The following OR1D2 variants were observed in gnomAD, a reference collection of about 807,000 sequenced individuals.
The protein encoded by OR1D2 is olfactory receptor family 1 subfamily D member 2.
For synonymous variants in OR1D2, 157 were observed against 153.9 expected (o/e 1.02, Z -0.15); for missense variants, 357 against 376.1 (o/e 0.95, Z 0.42).
chr17:3,096,729 T>C (rs1417758403), intron 1 of OR1D2, among the ~76,000 whole-genome samples: 2 of 152,212 alleles, frequency 1.3e-5, no homozygotes, highest in Non-Finnish European at 2.9e-5. Flanking sequence ...AGGGAACTGA[T>C]AGAAATGAAG....
At chr17:3,100,514 A>G (rs1216623013) in intron 1 of OR1D2, among the ~76,000 whole-genome samples, 2 of 152,202 alleles carry the variant, frequency 1.3e-5, no homozygotes, top group African/African-American at 4.8e-5. Context: ...TCTCTGGGAC[A>G]CAGCTAAAGC....
In OR1D2 at chr17:3,092,848, C is replaced by T; in HGVS notation, c.149G>A (p.Ser50Asn). The change falls in exon 2 of 2, where the codon AGC becomes AAC. Residue 50 changes from serine (S) to asparagine (N), a missense_variant. Coordinates refer to ENST00000641833, the MANE Select transcript of OR1D2 (RefSeq NM_002548.3). ...GGGGGTGTGCAGGCGGGAATCAGAGCTGATGGCCAGGATGATGAGCACATT... is the reference window on the plus strand; with the variant it reads ...GGGGGTGTGCAGGCGGGAATCAGAGTTGATGGCCAGGATGATGAGCACATT... The part of the protein sequence containing the change: ...VGNVLIILAI[S>N]SDSRLHTPVY... 3 of 1,614,090 alleles carry T rather than the reference C, an allele frequency of 1.9e-6. No individual in the cohort carries two copies. Among genetic ancestry groups the T allele is most frequent in the East Asian group, 2.2e-5 (1 of 44,884 alleles).
rs373809988 is a variant in OR1D2, at chr17:3,090,856, G to T, written c.*1202C>A. ...TTCTTGTTCTTAGCTACTCAGAGGG[G>T]TCTGGCCATGTGAATTGCCTCAGTA... On this transcript the variant is annotated 3_prime_UTR_variant, in exon 2 of 2. Transcript: ENST00000641833. 6.6e-5 allele frequency: 10 copies of T among 152,156 alleles called. No individual in the cohort carries two copies. In the East Asian group the frequency reaches 1.2e-3, roughly 18 times the overall value. The allele number at this position is 152,156 out of a possible 1,614,324, so 9.4% of individuals were successfully genotyped here.
At chr17:3,094,844 A>T (rs2047835662) in intron 1 of OR1D2, among the ~76,000 whole-genome samples, 1 of 152,172 alleles carries the variant, frequency 6.6e-6, no homozygotes. Flanking sequence ...AGAGAGCCAA[A>T]TGGAAATCCT....
At chr17:3,098,311 G>C (rs1825912506) in intron 1 of OR1D2, among the ~76,000 whole-genome samples, 1 of 152,146 alleles carries the variant, frequency 6.6e-6, no homozygotes, top group African/African-American at 2.4e-5. Context: ...ATCCCACAAG[G>C]AGGAGCAGGC....
At chr17:3,100,491 C>A (rs1213414267) in intron 1 of OR1D2, among the ~76,000 whole-genome samples, 2 of 152,108 alleles carry the variant, frequency 1.3e-5, no homozygotes, top group Non-Finnish European at 2.9e-5. Context: ...AACAAAGAGA[C>A]AATGTACCAG....
At chr17:3,098,131 G>T (rs573651440) in intron 1 of OR1D2, among the ~76,000 whole-genome samples, 1 of 152,302 alleles carries the variant, frequency 6.6e-6, no homozygotes, top group Non-Finnish European at 1.5e-5. Flanking sequence ...AGATGAGTGG[G>T]TTTCCCCTAG....
At chr17:3,097,493 G>C (rs940415630) in intron 1 of OR1D2, among the ~76,000 whole-genome samples, 44 of 152,312 alleles carry the variant, frequency 2.9e-4, no homozygotes, top group African/African-American at 1.0e-3. Flanking sequence ...GAGTGAGCAT[G>C]CTACCCAGCC....
intron 1 of OR1D2, among the ~76,000 whole-genome samples, chr17:3,094,765 G>C (rs2047835150): frequency 6.6e-6 from 1 of 152,010 alleles, no homozygotes; most frequent in African/African-American, 2.4e-5. Flanking sequence ...AGCATGATTA[G>C]GGAAGTAAAG....
In OR1D2 at chr17:3,091,795, G is replaced by C. The variant is rs1267114817; in HGVS notation, c.*263C>G. 1 of 369,944 alleles carries C rather than the reference G, an allele frequency of 2.7e-6. No individual in the cohort carries two copies. The highest frequency in any genetic ancestry group is 4.9e-6 in the Non-Finnish European group (1 of 203,754). The allele number at this position is 369,944 out of a possible 1,614,324, so 22.9% of individuals were successfully genotyped here. A position where few individuals can be genotyped will look rare whatever the true frequency, so the allele number is the denominator to read the frequency against. ...TATAGTCAGATAAGGCCAAGAATGT[G>C]GCCCTGTAGTCAAGTACATTGAAGA... is the stretch of plus-strand genomic sequence containing the variant. On this transcript the variant is annotated 3_prime_UTR_variant, in exon 2 of 2. Transcript: ENST00000641833.
chr17:3,103,304 G>A (rs1333324216), intron 1 of OR1D2, among the ~76,000 whole-genome samples: 2 of 151,820 alleles, frequency 1.3e-5, no homozygotes, highest in Non-Finnish European at 2.9e-5. Flanking sequence ...GCAGTGGCAC[G>A]ATCTCGGCTC....
rs1366318121 is a variant in OR1D2 at position 3,089,306 on chromosome 17, G to A, written c.*2752C>T. 1 of 152,284 alleles carries A rather than the reference G, an allele frequency of 6.6e-6. No individual in the cohort carries two copies. Among genetic ancestry groups the A allele is most frequent in the Non-Finnish European group, 1.5e-5 (1 of 68,106 alleles). The allele number at this position is 152,284 out of a possible 1,614,324, so 9.4% of individuals were successfully genotyped here. On this transcript the variant is annotated 3_prime_UTR_variant, in exon 2 of 2. Transcript: ENST00000641833. ...GGGCTCTGAGCTGGTACTGGGGGGT[G>A]TCTGTGAAGAGTCCTGTGATGTGAT...
chr17:3,093,560 A>AG (rs2047828119), intron 1 of OR1D2, among the ~76,000 whole-genome samples: 1 of 152,292 alleles, frequency 6.6e-6, no homozygotes, highest in South Asian at 2.1e-4. Context: ...GAGTTCCTTA[A>AG]GACTCAGTTT....
At position 3,092,383 on chromosome 17, in the gene OR1D2, A is replaced by G. The variant is rs752483848; in HGVS notation, c.614T>C (p.Phe205Ser). 1.2e-5 allele frequency: 19 copies of G among 1,614,066 alleles called. No homozygotes were observed. The highest frequency in any genetic ancestry group is 1.5e-5 in the Non-Finnish European group (18 of 1,180,042). The change falls in exon 2 of 2, where the codon TTC becomes TCC. Residue 205 changes from phenylalanine (F) to serine (S), a missense_variant. Phe to Ser is a radical substitution (Grantham distance 155). Coordinates refer to ENST00000641833, the MANE Select transcript of OR1D2 (RefSeq NM_002548.3). ...NHTVLIATGCFIFLIPFGFVI... is the reference protein window; with the variant it reads ...NHTVLIATGCSIFLIPFGFVI... ...GAATCCAAAGGGAATGAGGAAGATG[A>G]AGCAGCCTGTGGCAATCAGCACTGT...
Position 3,092,968 on chromosome 17 carries a change from G to A in OR1D2, c.29C>T (p.Ser10Leu), listed in dbSNP as rs867850997. The A allele has an allele frequency of 6.2e-7, 1 of 1,613,720 alleles. No homozygotes were observed. The highest frequency in any genetic ancestry group is 1.3e-5 in the African/African-American group (1 of 74,818). MDGGNQSEG[S>L]EFLLLGMSES... ...TGACATCCCCAGGAGAAGGAACTCT[G>A]AACCTTCACTCTGGTTGCCTCCATC... The change falls in exon 2 of 2, where the codon TCA (serine) becomes TTA (leucine). Residue 10 changes from serine (S) to leucine (L), a missense_variant. Coordinates refer to ENST00000641833, the MANE Select transcript of OR1D2 (RefSeq NM_002548.3).
intron 1 of OR1D2, among the ~76,000 whole-genome samples, chr17:3,097,513 A>G (rs1036154459): frequency 2.0e-5 from 3 of 152,144 alleles, no homozygotes; most frequent in Admixed American, 2.0e-4. Flanking sequence ...CAGGGAAATC[A>G]TGCTTTTTCC....
chr17:3,095,430 A>T, intron 1 of OR1D2, among the ~76,000 whole-genome samples: 1 of 152,118 alleles, frequency 6.6e-6, no homozygotes, highest in East Asian at 1.9e-4. Flanking sequence ...TAAAAGAATG[A>T]AGGCCAAATA....
At position 3,090,049 on chromosome 17, in the gene OR1D2, A is replaced by G. The variant is rs770990529; in HGVS notation, c.*2009T>C. On this transcript the variant is annotated 3_prime_UTR_variant, in exon 2 of 2. Coordinates refer to ENST00000641833, the MANE Select transcript of OR1D2 (RefSeq NM_002548.3). ...GCTGTGAATAGCCATTTTTAGAAAA[A>G]TAAGTTTTCTGCCTCCTTTTCTTTC... 1 of 152,234 alleles carries G rather than the reference A, an allele frequency of 6.6e-6. No homozygotes were observed. Among genetic ancestry groups the G allele is most frequent in the Non-Finnish European group, 1.5e-5 (1 of 68,066 alleles). 9.4% of individuals were successfully genotyped at this position (152,234 alleles called of 1,614,324 possible). A position where few individuals can be genotyped will look rare whatever the true frequency, so the allele number is the denominator to read the frequency against.
intron 1 of OR1D2, among the ~76,000 whole-genome samples, chr17:3,102,833 C>T (rs1373879280): frequency 6.6e-6 from 1 of 152,196 alleles, no homozygotes; most frequent in Non-Finnish European, 1.5e-5. Flanking sequence ...ATTCCTCCAA[C>T]TTGTATTTCC....
Sources: gnomAD v4.1 joint callset for allele counts (sites outside exome capture counted in the v4.1 genomes callset) on GRCh38, gnomAD v4.1.1 for gene constraint, MANE v1.5 for transcripts, NCBI Gene and HGNC (gene_info 2026-07-23, HGNC 2026-07-21) for gene names.